The following KLHL42 variants were observed in gnomAD, a reference collection of about 807,000 sequenced individuals.
KLHL42 encodes kelch like family member 42, also known as kelch-like protein 42.
In KLHL42, 27 loss-of-function variants were observed where a neutral mutation model predicts 32.7. The ratio of observed to expected loss-of-function variants is 0.83; its 90% confidence interval spans 0.61 to 1.14. KLHL42 has a LOEUF of 1.14. Among genes scored for constraint, KLHL42 ranks in the 50% most tolerant of loss-of-function variants. The pLI, the probability that KLHL42 is intolerant of heterozygous loss-of-function variation, is 0.00. For synonymous variants in KLHL42, 267 were observed against 248.2 expected, an observed-to-expected ratio of 1.08 and a Z score of -0.71; for missense variants, 491 against 560.8, an observed-to-expected ratio of 0.88 and a Z score of 1.26.
chr12:27,797,267 G>T (rs2062223228), intron 2 of KLHL42: 1 of 456,824 alleles, frequency 2.2e-6, no homozygotes, highest in Non-Finnish European at 4.4e-6. Context: ...GAGATCCTGT[G>T]TTGCTACTTG....
chr12:27,781,006 A>G lies in KLHL42; in HGVS notation c.676A>G (p.Thr226Ala), dbSNP rs1328845618. 1.2e-6 allele frequency: 2 copies of G among 1,609,882 alleles called. No individual in the cohort carries two copies. The highest frequency in any genetic ancestry group is 1.7e-6 in the Non-Finnish European group (2 of 1,177,484). The change falls in exon 1 of 3, where the codon ACT becomes GCT. Residue 226 changes from threonine to alanine, a missense_variant. Physicochemically the swap from Thr to Ala is moderately conservative, Grantham distance 58 (BLOSUM62 0). This residue lies in a region of KLHL42 where 248 missense variants were observed against 329.2 expected (regional missense o/e 0.75). Coordinates refer to ENST00000381271, the MANE Select transcript of KLHL42 (RefSeq NM_020782.2). The stretch of plus-strand genomic sequence containing the variant: ...GTCCATGCTCAGGTACGAGGAGATG[A>G]CTGAGCGTTGGTTCCCGCTGGCCAA... Reference protein sequence around the residue: ...PPSMLRYEEMTERWFPLANNL... With the variant: ...PPSMLRYEEMAERWFPLANNL...
chr12:27,790,024 A>G (rs905486668), intron 1 of KLHL42, among the ~76,000 whole-genome samples: 4 of 152,212 alleles, frequency 2.6e-5, no homozygotes, highest in Non-Finnish European at 5.9e-5. Flanking sequence ...AACACTTTTT[A>G]GGGGATCAAG....
chr12:27,799,336 A>G lies in KLHL42; in HGVS notation c.*1170A>G, dbSNP rs1222203788. The G allele has an allele frequency of 1.3e-5, 2 of 152,248 alleles. No individual in the cohort carries two copies. The highest frequency in any genetic ancestry group is 2.4e-5 in the African/African-American group (1 of 41,468). 9.4% of individuals were successfully genotyped at this position (152,248 alleles called of 1,614,324 possible). A position where few individuals can be genotyped will look rare whatever the true frequency, so the allele number is the denominator to read the frequency against. On this transcript the variant is annotated 3_prime_UTR_variant, in exon 3 of 3. Transcript: ENST00000381271. ...GTTGTTTTCAGTGAGTGAGTTAACA[A>G]TAAAAGCTTCTGCCAATCATAGATC... is the stretch of plus-strand genomic sequence containing the variant.
Position 27,798,091 on chromosome 12 carries a change from A to G in KLHL42, c.1443A>G (p.Ala481=). 1.3e-6 allele frequency: 1 copy of G among 781,036 alleles called. No homozygotes were observed. The highest frequency in any genetic ancestry group is 2.4e-5 in the East Asian group (1 of 41,254). 48.4% of individuals were successfully genotyped at this position (781,036 alleles called of 1,614,324 possible). A position where few individuals can be genotyped will look rare whatever the true frequency, so the allele number is the denominator to read the frequency against. The change falls in exon 3 of 3, where the codon GCA becomes GCG. Residue 481 remains alanine (A), a synonymous_variant. Coordinates refer to ENST00000381271, the MANE Select transcript of KLHL42 (RefSeq NM_020782.2). ...KYNIFSDSWE[A]FRRFPAFGHN... Reference sequence around the variant, plus strand: ...ACATCTTTTCAGATAGTTGGGAAGCATTTCGGCGTTTTCCAGCTTTTGGAC... The same window carrying G: ...ACATCTTTTCAGATAGTTGGGAAGCGTTTCGGCGTTTTCCAGCTTTTGGAC...
intron 2 of KLHL42, chr12:27,797,480 T>C (rs2062224395): frequency 3.5e-6 from 2 of 572,702 alleles, no homozygotes; most frequent in Non-Finnish European, 3.2e-6. Context: ...TTCCTGGTTT[T>C]ATCCAGTCTG....
chr12:27,789,883 C>T (rs973754743), intron 1 of KLHL42, among the ~76,000 whole-genome samples: 2 of 152,100 alleles, frequency 1.3e-5, no homozygotes, highest in East Asian at 1.9e-4. Context: ...ACTCTATTCA[C>T]GCTCTGATTG....
chr12:27,787,020 C>T (rs1054476164), intron 1 of KLHL42, among the ~76,000 whole-genome samples: 32 of 151,834 alleles, frequency 2.1e-4, no homozygotes, highest in African/African-American at 6.5e-4. Flanking sequence ...CCACCGCGCC[C>T]GGCCAATTGA....
At position 27,797,953 on chromosome 12, in the gene KLHL42, G is replaced by A. The variant is rs762445859; in HGVS notation, c.1305G>A (p.Thr435=). ...TRQWLYLKEN[T]SKSGLNLTCA... is the part of the protein sequence containing the mutation. ...AGTGGCTCTACCTCAAGGAGAACAC[G>A]TCCAAATCGGGTCTTAACTTGACTT... The change falls in exon 3 of 3, where the codon ACG becomes ACA. Residue 435 remains threonine, a synonymous_variant. Transcript: ENST00000381271. The A allele has an allele frequency of 1.3e-6, 1 of 781,004 alleles. No homozygotes were observed. The highest frequency in any genetic ancestry group is 2.4e-6 in the Non-Finnish European group (1 of 418,124). 48.4% of individuals were successfully genotyped at this position (781,004 alleles called of 1,614,324 possible). A position where few individuals can be genotyped will look rare whatever the true frequency, so the allele number is the denominator to read the frequency against.
chr12:27,782,642 C>T (rs1170056490), intron 1 of KLHL42, among the ~76,000 whole-genome samples: 2 of 152,110 alleles, frequency 1.3e-5, no homozygotes, highest in Non-Finnish European at 2.9e-5. Context: ...ATTCCTCTAG[C>T]TACACATCAT....
At chr12:27,790,873 C>G (rs2062193242) in intron 1 of KLHL42, among the ~76,000 whole-genome samples, 1 of 151,968 alleles carries the variant, frequency 6.6e-6, no homozygotes. Context: ...AGTGAGATGC[C>G]ATCTCCACAA....
In KLHL42 at chr12:27,801,464, C is replaced by G. The variant is rs2062247101; in HGVS notation, c.*3298C>G. The stretch of plus-strand genomic sequence containing the variant: ...GGCCTTGGTCTTCCTGATCAACCAG[C>G]ATTTAACGAACAGTGGCTTAATGCA... On this transcript the variant is annotated 3_prime_UTR_variant, in exon 3 of 3. Transcript: ENST00000381271. 6.6e-6 allele frequency: 1 copy of G among 152,184 alleles called. No individual in the cohort carries two copies. Among genetic ancestry groups the G allele is most frequent in the Non-Finnish European group, 1.5e-5 (1 of 68,038 alleles). 9.4% of individuals were successfully genotyped at this position (152,184 alleles called of 1,614,324 possible).
intron 2 of KLHL42, 141 bp downstream of exon 2, chr12:27,792,042 G>T (rs2062199635): frequency 3.1e-6 from 2 of 651,644 alleles, no homozygotes; most frequent in South Asian, 1.9e-5. Context: ...CATCTGGAAG[G>T]AAGAGAGTTC....
At position 27,780,316 on chromosome 12, in the gene KLHL42, C is replaced by T; in HGVS notation, c.-15C>T. The T allele has an allele frequency of 1.3e-6, 2 of 1,547,428 alleles. No individual in the cohort carries two copies. The highest frequency in any genetic ancestry group is 1.7e-6 in the Non-Finnish European group (2 of 1,151,438). Reference sequence around the variant, plus strand: ...AGATCTGGCGGTGAGCGCTGCCGCCCCGGGGCCCCCAGCCATGTCGGCCGA... The same window carrying T: ...AGATCTGGCGGTGAGCGCTGCCGCCTCGGGGCCCCCAGCCATGTCGGCCGA... On this transcript the variant is annotated 5_prime_UTR_variant, in exon 1 of 3. Coordinates refer to ENST00000381271, the MANE Select transcript of KLHL42 (RefSeq NM_020782.2). This position sits in a 1 kb window ranked among gnomAD's most constrained non-coding sequence, Gnocchi z 8.8.
chr12:27,787,065 A>G (rs1401170514), intron 1 of KLHL42, among the ~76,000 whole-genome samples: 1 of 152,066 alleles, frequency 6.6e-6, no homozygotes, highest in African/African-American at 2.4e-5. Flanking sequence ...TCTGGAGAAG[A>G]TAGTGGGTGC....
rs758457245 is a variant in KLHL42 at position 27,780,598 on chromosome 12, G to A, written c.268G>A (p.Val90Met). 7.1e-6 allele frequency: 11 copies of A among 1,545,570 alleles called. No individual in the cohort carries two copies. Among genetic ancestry groups the A allele is most frequent in the Non-Finnish European group, 8.7e-6 (10 of 1,148,468 alleles). The change falls in exon 1 of 3, where the codon GTG becomes ATG. Residue 90 changes from valine (V) to methionine (M), a missense_variant. Around this residue, in one of 4 missense-constraint regions of KLHL42, gnomAD observed 248 missense variants for 329.2 expected, o/e 0.75. Coordinates refer to ENST00000381271, the MANE Select transcript of KLHL42 (RefSeq NM_020782.2). The surrounding 1 kb of genome is among the most constrained non-coding windows in gnomAD (Gnocchi z 8.8). ...LGPRGEKGGG[V>M]DEDEEMDEVS... Reference sequence around the variant, plus strand: ...CCCGCGCGGGGAAAAGGGCGGCGGGGTGGACGAGGACGAGGAGATGGATGA... The same window carrying A: ...CCCGCGCGGGGAAAAGGGCGGCGGGATGGACGAGGACGAGGAGATGGATGA...
rs79362846 is a variant in KLHL42, at chr12:27,795,334, A to G, written c.1067-2381A>G. ...AGCAAATGTTCTTTAGATTTGACCT[A>G]GAAAACCCTTCTTGTGTGTTTTGTA... On this transcript the variant is annotated intron_variant, in intron 2 of 2. Coordinates refer to ENST00000381271, the MANE Select transcript of KLHL42 (RefSeq NM_020782.2). 8.6e-3 allele frequency among the ~76,000 whole-genome samples: 1,310 copies of G among 152,330 alleles called. 12 individuals carry two copies. The highest frequency in any genetic ancestry group is 0.014 in the Middle Eastern group (4 of 294).
Position 27,798,033 on chromosome 12 carries a change from C to G in KLHL42, c.1385C>G (p.Thr462Ser), listed in dbSNP as rs377487883. The change falls in exon 3 of 3, where the codon ACC becomes AGC. Residue 462 changes from threonine (T) to serine (S), a missense_variant. Physicochemically the swap from Thr to Ser is moderately conservative, Grantham distance 58. Transcript: ENST00000381271. ...ATGAGCAGAGACGTCACCCTGTCGA[C>G]CAGCTTGGAACACCGAGTGTTCCTC... ...YIMSRDVTLS[T>S]SLEHRVFLKY... The G allele has an allele frequency of 5.1e-6, 4 of 781,090 alleles. No individual in the cohort carries two copies. The highest frequency in any genetic ancestry group is 9.6e-6 in the Non-Finnish European group (4 of 418,132). 48.4% of individuals were successfully genotyped at this position (781,090 alleles called of 1,614,324 possible).
rs200218136 is a variant in KLHL42 at position 27,798,220 on chromosome 12, G to T, written c.*54G>T. ...CTGGTTCAAGTTTTTTTTAAAATGT[G>T]GTGTCCCATTCCAAGGGAGACCAAT... On this transcript the variant is annotated 3_prime_UTR_variant, in exon 3 of 3. Transcript: ENST00000381271. 3 of 711,434 alleles carry T rather than the reference G, an allele frequency of 4.2e-6. No individual in the cohort carries two copies. The highest frequency in any genetic ancestry group is 3.5e-5 in the African/African-American group (2 of 57,552). The allele number at this position is 711,434 out of a possible 1,614,324, so 44.1% of individuals were successfully genotyped here. A position where few individuals can be genotyped will look rare whatever the true frequency, so the allele number is the denominator to read the frequency against.
chr12:27,782,265 A>G (rs1345986321), intron 1 of KLHL42, among the ~76,000 whole-genome samples: 4 of 152,154 alleles, frequency 2.6e-5, no homozygotes, highest in Non-Finnish European at 5.9e-5. Context: ...GCCAGGGATT[A>G]TTTGGGGGAA....
Sources: allele counts gnomAD v4.1 joint callset (sites outside exome capture counted in the v4.1 genomes callset), GRCh38; gene constraint gnomAD v4.1.1; regional missense constraint gnomAD v4.1.1; non-coding constraint Gnocchi (gnomAD v3.1); transcripts MANE v1.5; gene names NCBI Gene and HGNC (gene_info 2026-07-23, HGNC 2026-07-21).